The following GRM3 variants were observed in gnomAD, a reference collection of about 807,000 sequenced individuals.
The protein encoded by GRM3 is glutamate metabotropic receptor 3, also known as metabotropic glutamate receptor 3.
GRM3 carries 26 observed loss-of-function variants against 70.5 expected under a neutral mutation model. The ratio of observed to expected loss-of-function variants is 0.37; its 90% CI spans 0.27 to 0.51. The LOEUF is 0.51. Among genes scored for constraint, GRM3 ranks in the 20% least tolerant of loss-of-function variants. GRM3 has a pLI of 0.93. For synonymous variants in GRM3, 443 were observed against 434.9 expected (o/e 1.02, Z -0.23); for missense variants, 859 against 1,123.8 (o/e 0.76, Z 3.37).
At chr7:86,679,107 C>G (rs1794381014) in intron 1 of GRM3, among the ~76,000 whole-genome samples, 1 of 151,992 alleles carries the variant, frequency 6.6e-6, no homozygotes, top group South Asian at 2.1e-4. Flanking sequence ...CTTGATTCAT[C>G]TTTTTCTCTG....
intron 1 of GRM3, among the ~76,000 whole-genome samples, chr7:86,735,445 TAA>T (rs1795836657): frequency 6.6e-6 from 1 of 152,202 alleles, no homozygotes; most frequent in Admixed American, 6.5e-5. Flanking sequence ...TCTTCATTAT[TAA>T]GTTTGTCTAC....
intron 1 of GRM3, among the ~76,000 whole-genome samples, chr7:86,702,568 A>G (rs1019092708): frequency 1.3e-5 from 2 of 151,994 alleles, no homozygotes; most frequent in African/African-American, 4.8e-5. Flanking sequence ...GCTTAAGTTC[A>G]GCTCTAGAAT....
chr7:86,709,567 G>C (rs139095083), intron 1 of GRM3, among the ~76,000 whole-genome samples: 2 of 151,954 alleles, frequency 1.3e-5, no homozygotes, highest in Admixed American at 6.6e-5. Context: ...GGTACCTTCG[G>C]GGGGGTGGGG....
intron 3 of GRM3, among the ~76,000 whole-genome samples, chr7:86,811,842 C>T (rs1338130949): frequency 6.7e-6 from 1 of 150,234 alleles, no homozygotes; most frequent in Non-Finnish European, 1.5e-5. Flanking sequence ...TTCTTCTCTT[C>T]CCCTTCCTCA....
intron 1 of GRM3, among the ~76,000 whole-genome samples, chr7:86,728,182 T>G (rs1485873875): frequency 6.6e-6 from 1 of 152,144 alleles, no homozygotes; most frequent in Non-Finnish European, 1.5e-5. Context: ...TTGCTTAGTC[T>G]CCTACAACAG....
At chr7:86,766,026 A>T (rs1223178973) in intron 2 of GRM3, among the ~76,000 whole-genome samples, 1 of 152,102 alleles carries the variant, frequency 6.6e-6, no homozygotes, top group Admixed American at 6.6e-5. Flanking sequence ...CAGAGGTGCA[A>T]GAGAATGCAA....
rs2116543706 is a variant in GRM3, at chr7:86,786,540, T to C, written c.748T>C (p.Ser250Pro). Reference sequence around the variant, plus strand: ...CGCTACGGCGGAGAAGGTGGGCCGCTCCAACATCCGCAAGTCCTACGACAG... The same window carrying C: ...CGCTACGGCGGAGAAGGTGGGCCGCCCCAACATCCGCAAGTCCTACGACAG... Reference protein sequence around the residue: ...CIATAEKVGRSNIRKSYDSVI... With the variant: ...CIATAEKVGRPNIRKSYDSVI... Residue 250 changes from serine (S) to proline (P), a missense_variant, in exon 3 of 6, where the codon TCC (serine) becomes CCC (proline). Ser to Pro is a moderately conservative substitution (Grantham distance 74, BLOSUM62 -1). Coordinates refer to ENST00000361669, the MANE Select transcript of GRM3 (RefSeq NM_000840.3). This position sits in a 1 kb window ranked among gnomAD's most constrained non-coding sequence, Gnocchi z 6.0. The C allele has an allele frequency of 6.2e-7, 1 of 1,613,988 alleles. No individual in the cohort carries two copies. Among genetic ancestry groups the C allele is most frequent in the East Asian group, 2.2e-5 (1 of 44,880 alleles).
At chr7:86,854,431 TAAC>T (rs1487562098) in intron 5 of GRM3, among the ~76,000 whole-genome samples, 1 of 152,176 alleles carries the variant, frequency 6.6e-6, no homozygotes, top group African/African-American at 2.4e-5. Flanking sequence ...TGAACATGGT[TAAC>T]AACATCTTGG....
At chr7:86,655,992 G>C (rs945029403) in intron 1 of GRM3, among the ~76,000 whole-genome samples, 1 of 152,046 alleles carries the variant, frequency 6.6e-6, no homozygotes, top group East Asian at 1.9e-4. Context: ...CACTGCAACA[G>C]ACTCTTACTT....
intron 1 of GRM3, among the ~76,000 whole-genome samples, chr7:86,728,267 G>A (rs1049734907): frequency 2.0e-5 from 3 of 152,082 alleles, no homozygotes; most frequent in Non-Finnish European, 4.4e-5. Context: ...CAATGTAACT[G>A]GCAGGAGCAT....
At chr7:86,694,607 C>T (rs1794773071) in intron 1 of GRM3, among the ~76,000 whole-genome samples, 1 of 147,780 alleles carries the variant, frequency 6.8e-6, no homozygotes, top group South Asian at 2.2e-4. Flanking sequence ...ATTTCTCTTA[C>T]AAGTTTGAGG....
Position 86,769,391 on chromosome 7 carries a change from T to C in GRM3, c.468+3778T>C, listed in dbSNP as rs550499196. Among the ~76,000 whole-genome samples the C allele has an allele frequency of 1.2e-4, 19 of 152,250 alleles. No homozygotes were observed. The East Asian group carries it at 2.9e-3, about 23-fold the overall frequency. ...CAAACCAGGGCTCAGGGGTTTTCCA[T>C]TGCAAATTGCCTGTTGAGAGAGAAC... On this transcript the variant is annotated intron_variant, in intron 2 of 5. Transcript: ENST00000361669.
At chr7:86,835,903 C>T (rs557452735) in intron 3 of GRM3, among the ~76,000 whole-genome samples, 1 of 152,286 alleles carries the variant, frequency 6.6e-6, no homozygotes, top group African/African-American at 2.4e-5. Flanking sequence ...TGAGCCATCA[C>T]ACCTGGCCTA....
chr7:86,722,203 CT>C (rs34219508), intron 1 of GRM3, among the ~76,000 whole-genome samples: 2 of 151,882 alleles, frequency 1.3e-5, no homozygotes, highest in Non-Finnish European at 2.9e-5. Context: ...TCTCAGAAAA[CT>C]TTTTTTAAAA....
rs1797262865 is a variant in GRM3, at chr7:86,786,832, G to A, written c.1040G>A (p.Arg347His). 6.2e-7 allele frequency: 1 copy of A among 1,614,160 alleles called. No individual in the cohort carries two copies. The highest frequency in any genetic ancestry group is 8.5e-7 in the Non-Finnish European group (1 of 1,180,008). Residue 347 changes from arginine to histidine, a missense_variant, in exon 3 of 6, where the codon CGC becomes CAC. Arg to His is a conservative substitution (Grantham distance 29, BLOSUM62 0). Coordinates refer to ENST00000361669, the MANE Select transcript of GRM3 (RefSeq NM_000840.3). The surrounding 1 kb of genome is among the most constrained non-coding windows in gnomAD (Gnocchi z 6.0). ...FQSLNPYNNH[R>H]NPWFRDFWEQ... ...AGCCTCAACCCCTACAACAACCACC[G>A]CAACCCCTGGTTCCGGGACTTCTGG...
intron 3 of GRM3, among the ~76,000 whole-genome samples, chr7:86,810,827 T>C (rs1273978105): frequency 1.3e-5 from 2 of 151,974 alleles, no homozygotes; most frequent in African/African-American, 2.4e-5. Context: ...AATTTGTGTT[T>C]AAAACACTCA....
intron 1 of GRM3, among the ~76,000 whole-genome samples, chr7:86,722,018 G>A (rs1389032918): frequency 1.3e-5 from 2 of 152,054 alleles, no homozygotes; most frequent in Non-Finnish European, 2.9e-5. Context: ...GTCCCTGGGA[G>A]AAAAGGTATT....
At chr7:86,709,462 G>T (rs574990117) in intron 1 of GRM3, among the ~76,000 whole-genome samples, 25 of 152,058 alleles carry the variant, frequency 1.6e-4, no homozygotes, top group African/African-American at 5.5e-4. Flanking sequence ...ACCTAACCAG[G>T]CTTCTCTTTG....
At chr7:86,737,533 AAC>A (rs1795891746) in intron 1 of GRM3, among the ~76,000 whole-genome samples, 1 of 152,222 alleles carries the variant, frequency 6.6e-6, no homozygotes. Context: ...AATGAAACGT[AAC>A]ACAGTACCAG....
Sources: gnomAD v4.1 joint callset for allele counts (sites outside exome capture counted in the v4.1 genomes callset) on GRCh38, gnomAD v4.1.1 for gene constraint, Gnocchi (gnomAD v3.1) non-coding constraint, MANE v1.5 for transcripts, NCBI Gene and HGNC (gene_info 2026-07-23, HGNC 2026-07-21) for gene names.